PRKCA: variants seen among roughly 807,000 people sequenced by gnomAD.
The protein encoded by PRKCA is protein kinase C alpha type.
A neutral mutation model predicts 87.0 loss-of-function variants in PRKCA; 27 were observed. The observed-to-expected ratio is 0.31, with a 90% confidence interval of 0.23 to 0.43. The LOEUF (loss-of-function observed/expected upper bound fraction) is 0.43, where lower values mean the gene tolerates loss of function less well. Ranked by LOEUF, PRKCA falls within the 20% of genes least tolerant of loss-of-function variation. PRKCA has a pLI of 1.00. For missense variants in PRKCA, 518 were observed against 852.3 expected, an observed-to-expected ratio of 0.61 and a Z score of 4.88; for synonymous variants, 329 against 311.1, an observed-to-expected ratio of 1.06 and a Z score of -0.61.
intron 3 of PRKCA, among the ~76,000 whole-genome samples, chr17:66,574,667 C>T (rs114332573): frequency 0.015 from 2,332 of 150,734 alleles, 70 homozygotes; most frequent in African/African-American, 0.054. Context: ...TGGAGCATTT[C>T]GGATTTTCAG....
chr17:66,698,649 GA>G (rs1972986928), intron 8 of PRKCA, among the ~76,000 whole-genome samples: 1 of 151,942 alleles, frequency 6.6e-6, no homozygotes, highest in Non-Finnish European at 1.5e-5. Context: ...TTCTAGAAGG[GA>G]AAAAGAGAAA....
chr17:66,409,130 A>G (rs539548118), intron 2 of PRKCA, among the ~76,000 whole-genome samples: 1 of 151,758 alleles, frequency 6.6e-6, no homozygotes, highest in South Asian at 2.1e-4. Flanking sequence ...TACCTCTTGT[A>G]AGTAAAGGCT....
chr17:66,370,135 A>G (rs1162455497), intron 2 of PRKCA, among the ~76,000 whole-genome samples: 1 of 151,948 alleles, frequency 6.6e-6, no homozygotes, highest in East Asian at 1.9e-4. Flanking sequence ...AGCCTTCCTG[A>G]CGGTAAGGAC....
intron 2 of PRKCA, among the ~76,000 whole-genome samples, chr17:66,371,166 C>G (rs1396396714): frequency 6.6e-6 from 1 of 152,128 alleles, no homozygotes; most frequent in Non-Finnish European, 1.5e-5. Flanking sequence ...CATTTTAAAC[C>G]AATGAAGAGT....
chr17:66,390,105 C>A (rs1156471378), intron 2 of PRKCA, among the ~76,000 whole-genome samples: 3 of 152,154 alleles, frequency 2.0e-5, no homozygotes, highest in African/African-American at 4.8e-5. Flanking sequence ...TGCCTGTAAT[C>A]CCAGCTACTC....
At chr17:66,394,841 A>G (rs2143654093) in intron 2 of PRKCA, among the ~76,000 whole-genome samples, 1 of 152,192 alleles carries the variant, frequency 6.6e-6, no homozygotes, top group South Asian at 2.1e-4. Context: ...CTGCCTTGTG[A>G]AGAAGGTGCC....
intron 14 of PRKCA, chr17:66,775,312 TTCC>T (rs1975022539): frequency 2.0e-6 from 2 of 985,336 alleles, no homozygotes; most frequent in South Asian, 9.4e-5. Flanking sequence ...TCTCCGCTAA[TTCC>T]TCCTCCTTTC....
At chr17:66,726,149 T>G (rs3889608) in intron 8 of PRKCA, among the ~76,000 whole-genome samples, 2 of 130,036 alleles carry the variant, frequency 1.5e-5, no homozygotes, top group African/African-American at 5.8e-5. Flanking sequence ...CTCAGGTGTT[T>G]GCAGGTGTGC....
Position 66,476,623 on chromosome 17 carries a change from T to C in PRKCA, c.206-19578T>C, listed in dbSNP as rs901732817. Among the ~76,000 whole-genome samples, 5 of 152,222 alleles carry C rather than the reference T, an allele frequency of 3.3e-5. 1 individual carries two copies. In the East Asian group the frequency reaches 9.6e-4, roughly 29 times the overall value. On this transcript the variant is annotated intron_variant, in intron 2 of 16. Transcript: ENST00000413366. The stretch of plus-strand genomic sequence containing the variant: ...GATTTCTTTGTATGTTTTCTCTTTA[T>C]AGTAAATAAAGAGGAAACTTCTCCC...
At chr17:66,533,583 C>T (rs186812700) in intron 3 of PRKCA, among the ~76,000 whole-genome samples, 2 of 152,320 alleles carry the variant, frequency 1.3e-5, no homozygotes, top group Admixed American at 6.5e-5. Flanking sequence ...TCTGCCTCCT[C>T]CTGGTTTACA....
At chr17:66,462,590 C>G (rs1914900546) in intron 2 of PRKCA, among the ~76,000 whole-genome samples, 1 of 152,112 alleles carries the variant, frequency 6.6e-6, no homozygotes, top group East Asian at 1.9e-4. Flanking sequence ...CACCAACCAT[C>G]TTTTTTAATC....
chr17:66,580,066 A>G (rs1969371021), intron 3 of PRKCA, among the ~76,000 whole-genome samples: 1 of 152,108 alleles, frequency 6.6e-6, no homozygotes, highest in South Asian at 2.1e-4. Context: ...TCCACAAATA[A>G]ATGAAAGGAA....
intron 3 of PRKCA, among the ~76,000 whole-genome samples, chr17:66,563,141 T>C (rs74435217): frequency 0.013 from 2,036 of 152,284 alleles, 48 homozygotes; most frequent in African/African-American, 0.047. Flanking sequence ...ATTAACATCT[T>C]GCATTAATTA....
intron 8 of PRKCA, among the ~76,000 whole-genome samples, chr17:66,724,851 T>G (rs1323410416): frequency 6.6e-6 from 1 of 152,240 alleles, no homozygotes; most frequent in African/African-American, 2.4e-5. Context: ...ACTAGAGTTA[T>G]GTCAACAATA....
chr17:66,666,480 A>G (rs1972046252), intron 5 of PRKCA, among the ~76,000 whole-genome samples: 1 of 152,106 alleles, frequency 6.6e-6, no homozygotes, highest in African/African-American at 2.4e-5. Context: ...CTGGTCCTAC[A>G]AGCCTAGTAC....
chr17:66,680,059 A>C (rs1431834670), intron 5 of PRKCA, among the ~76,000 whole-genome samples: 1 of 152,232 alleles, frequency 6.6e-6, no homozygotes, highest in African/African-American at 2.4e-5. Context: ...GACAAGGCTC[A>C]TGGGTTGTGG....
chr17:66,720,627 G>A (rs1973591443), intron 8 of PRKCA, among the ~76,000 whole-genome samples: 1 of 152,194 alleles, frequency 6.6e-6, no homozygotes, highest in African/African-American at 2.4e-5. Context: ...ATATGGCATG[G>A]CTATTTCTGT....
At chr17:66,314,899 G>GTA (rs995784305) in intron 2 of PRKCA, among the ~76,000 whole-genome samples, 10 of 143,390 alleles carry the variant, frequency 7.0e-5, no homozygotes, top group South Asian at 4.7e-4. Context: ...GTGTGTGTGT[G>GTA]TGTATGTATG....
intron 3 of PRKCA, among the ~76,000 whole-genome samples, chr17:66,570,095 G>A (rs1007865713): frequency 6.6e-6 from 1 of 152,200 alleles, no homozygotes; most frequent in Non-Finnish European, 1.5e-5. Context: ...ACAAAAGTGT[G>A]ATGTCTTGCA....
Sources: gnomAD v4.1 joint callset for allele counts (sites outside exome capture counted in the v4.1 genomes callset) on GRCh38, gnomAD v4.1.1 for gene constraint, MANE v1.5 for transcripts, NCBI Gene and HGNC (gene_info 2026-07-23, HGNC 2026-07-21) for gene names.